TRPM2: variants seen among roughly 807,000 people sequenced by gnomAD.
The protein encoded by TRPM2 is transient receptor potential cation channel subfamily M member 2, also known as estrogen-responsive element-associated gene 1 protein.
A neutral mutation model predicts 174.0 loss-of-function variants in TRPM2; 161 were observed. The observed-to-expected ratio is 0.93, with a 90% CI of 0.81 to 1.05. The LOEUF is 1.05. TRPM2 is among the 50% of genes least tolerant of loss of function. The probability of loss-of-function intolerance (pLI) is 0.00; values close to 1 mark genes in which losing one functional copy is unlikely to be tolerated. For synonymous variants in TRPM2, 954 were observed against 861.3 expected (o/e 1.11, Z -1.88); for missense variants, 2,057 against 2,038.0 (o/e 1.01, Z -0.18).
intron 2 of TRPM2, among the ~76,000 whole-genome samples, chr21:44,361,107 C>T (rs905661209): frequency 1.3e-5 from 2 of 152,158 alleles, no homozygotes; most frequent in African/African-American, 2.4e-5. Flanking sequence ...CAGCACAGCG[C>T]ACTTGATATC....
chr21:44,362,790 T>G (rs1185109591), intron 2 of TRPM2, among the ~76,000 whole-genome samples: 4 of 152,182 alleles, frequency 2.6e-5, no homozygotes, highest in Non-Finnish European at 5.9e-5. Context: ...TTTTTTGTTT[T>G]TTTTGAGGAG....
At chr21:44,365,260 G>A (rs1384121814) in intron 3 of TRPM2, among the ~76,000 whole-genome samples, 1 of 152,258 alleles carries the variant, frequency 6.6e-6, no homozygotes, top group Non-Finnish European at 1.5e-5. Context: ...GTGATTGGGT[G>A]CCACTGTCCT....
chr21:44,368,454 CTT>C (rs1408859151), intron 4 of TRPM2, among the ~76,000 whole-genome samples: 2 of 146,778 alleles, frequency 1.4e-5, no homozygotes, highest in Non-Finnish European at 3.0e-5. Context: ...GAGTTGGAGT[CTT>C]GCTCTGTCAC....
chr21:44,415,997 G>C (rs2050265645), intron 20 of TRPM2: 1 of 152,074 alleles, frequency 6.6e-6, no homozygotes, highest in Admixed American at 6.6e-5. Flanking sequence ...AGGTGTTTGG[G>C]GTCCTAGTGG....
rs538236222 is a variant in TRPM2, at chr21:44,405,394, C to A, written c.2657+134C>A. 3.7e-6 allele frequency: 5 copies of A among 1,357,286 alleles called. No homozygotes were observed. In the South Asian group the frequency reaches 5.3e-5, roughly 14 times the overall value. 84.1% of individuals were successfully genotyped at this position (1,357,286 alleles called of 1,614,324 possible). A position where few individuals can be genotyped will look rare whatever the true frequency, so the allele number is the denominator to read the frequency against. On this transcript the variant is annotated intron_variant, in intron 17 of 31. Transcript: ENST00000397928. Reference sequence around the variant, plus strand: ...TGTGAACCCTGGATTGTCATCTGTCCAATGGGTGTCCAGGCAACAGCGCCC... The same window carrying A: ...TGTGAACCCTGGATTGTCATCTGTCAAATGGGTGTCCAGGCAACAGCGCCC...
intron 20 of TRPM2, chr21:44,416,050 C>A (rs1420683525): frequency 2.0e-5 from 3 of 152,118 alleles, no homozygotes; most frequent in African/African-American, 7.2e-5. Context: ...AATTCCTAGC[C>A]CTGACAGTGG....
chr21:44,358,379 G>T (rs535744733), intron 2 of TRPM2, among the ~76,000 whole-genome samples: 1 of 152,060 alleles, frequency 6.6e-6, no homozygotes, highest in South Asian at 2.1e-4. Context: ...GAGGCAGGGA[G>T]CCCCCCTTGG....
Position 44,427,106 on chromosome 21 carries a change from GC to G in TRPM2, c.3973del (p.Leu1325Ter), listed in dbSNP as rs779628247. ...HGPYTVQAGL[P>X]LNPMGRTGLR... The stretch of plus-strand genomic sequence containing the variant: ...GGCCGTACACAGTGCAGGCCGGGTT[GC>G]CCCTGTGAGTGTGCCCCCTGCGGGC... On this transcript the variant is annotated frameshift_variant, in exon 27 of 32. Transcript: ENST00000397928. LOFTEE classifies it high-confidence loss of function. 4.3e-5 allele frequency: 68 copies of G among 1,588,984 alleles called. No homozygotes were observed. The highest frequency in any genetic ancestry group is 5.8e-5 in the Non-Finnish European group (68 of 1,168,072).
intron 9 of TRPM2, among the ~76,000 whole-genome samples, chr21:44,389,629 T>C (rs982847596): frequency 2.6e-5 from 4 of 152,190 alleles, no homozygotes; most frequent in Non-Finnish European, 5.9e-5. Flanking sequence ...AATTTACATT[T>C]TCCTGAGGAC....
chr21:44,397,911 C>T (rs1258439913), intron 13 of TRPM2, 35 bp downstream of exon 13: 3 of 1,553,942 alleles, frequency 1.9e-6, no homozygotes, highest in Non-Finnish European at 2.6e-6. Flanking sequence ...CAGGCCATGG[C>T]TCAGCCGTGC....
chr21:44,419,737 ATGT>A (rs1404849720), intron 22 of TRPM2, among the ~76,000 whole-genome samples: 4 of 143,558 alleles, frequency 2.8e-5, no homozygotes, highest in Non-Finnish European at 6.1e-5. Context: ...AGTGGTGGTG[ATGT>A]TGATGGTGAT....
intron 2 of TRPM2, among the ~76,000 whole-genome samples, chr21:44,361,758 A>T (rs1416167104): frequency 6.6e-6 from 1 of 151,970 alleles, no homozygotes; most frequent in African/African-American, 2.4e-5. Context: ...CCCAGGCTGG[A>T]GTACAGTGGC....
At position 44,414,141 on chromosome 21, in the gene TRPM2, ATG is replaced by A; in HGVS notation, c.3146+68_3146+69del. 1.9e-6 allele frequency: 3 copies of A among 1,564,464 alleles called. No individual in the cohort carries two copies. The South Asian group carries it at 3.4e-5, about 18-fold the overall frequency. ...GCGGCGTTCCTGGGCCGCAGTGGCC[ATG>A]CTGTCTCCAGGGTCTCGTGGACAGT... On this transcript the variant is annotated intron_variant, in intron 20 of 31. Coordinates refer to ENST00000397928, the MANE Select transcript of TRPM2 (RefSeq NM_003307.4).
At chr21:44,404,093 A>G (rs2049756181) in intron 16 of TRPM2, among the ~76,000 whole-genome samples, 2 of 152,096 alleles carry the variant, frequency 1.3e-5, no homozygotes, top group African/African-American at 4.8e-5. Flanking sequence ...ACACACATAC[A>G]CACACATATA....
intron 9 of TRPM2, among the ~76,000 whole-genome samples, chr21:44,387,512 T>C (rs900193150): frequency 6.6e-6 from 1 of 152,120 alleles, no homozygotes; most frequent in Non-Finnish European, 1.5e-5. Context: ...CCATGACACC[T>C]AAGGCACAGG....
At chr21:44,359,402 C>A (rs971848718) in intron 2 of TRPM2, among the ~76,000 whole-genome samples, 4 of 151,914 alleles carry the variant, frequency 2.6e-5, no homozygotes, top group African/African-American at 9.7e-5. Context: ...GGGGTTTGTA[C>A]GGATTTGGAT....
At chr21:44,420,011 A>G (rs1182120344) in intron 22 of TRPM2, among the ~76,000 whole-genome samples, 1 of 151,954 alleles carries the variant, frequency 6.6e-6, no homozygotes, top group East Asian at 1.9e-4. Context: ...TATGATGGCA[A>G]TAGTAATGAC....
At chr21:44,429,278 C>CTTTT (rs35708355) in intron 27 of TRPM2, among the ~76,000 whole-genome samples, 23 of 44,186 alleles carry the variant, frequency 5.2e-4, no homozygotes, top group Non-Finnish European at 5.3e-4. Flanking sequence ...TTTTCTTTTT[C>CTTTT]TTTTTTTTTT....
intron 2 of TRPM2, among the ~76,000 whole-genome samples, chr21:44,362,715 G>A (rs938954212): frequency 1.5e-4 from 23 of 151,950 alleles, no homozygotes; most frequent in Admixed American, 1.5e-3. Flanking sequence ...GTGTCTGCTC[G>A]TGACAAATTC....
Sources: allele counts gnomAD v4.1 joint callset (sites outside exome capture counted in the v4.1 genomes callset), GRCh38; gene constraint gnomAD v4.1.1; transcripts MANE v1.5; gene names NCBI Gene and HGNC (gene_info 2026-07-23, HGNC 2026-07-21).